Variants in OPRM1 observed in about 807,000 individuals in gnomAD.
OPRM1 encodes the protein mu-type opioid receptor.
OPRM1 carries 27 observed loss-of-function variants against 31.8 expected under a neutral mutation model. The ratio of observed to expected loss-of-function variants is 0.85; its 90% CI spans 0.63 to 1.17. The LOEUF (loss-of-function observed/expected upper bound fraction) is 1.17. OPRM1 is among the 50% of genes most tolerant of loss of function. OPRM1 has a pLI of 0.00. For missense variants in OPRM1, 536 were observed against 511.1 expected (o/e 1.05, Z -0.47); for synonymous variants, 196 against 189.9 (o/e 1.03, Z -0.26).
intron 3 of OPRM1, among the ~76,000 whole-genome samples, chr6:154,162,336 C>A (rs1328753670): frequency 1.3e-5 from 2 of 152,210 alleles, no homozygotes. Flanking sequence ...TAATGCTCTA[C>A]TTTTTCCTGT....
intron 3 of OPRM1, chr6:154,222,860 G>A (rs886697852): frequency 1.7e-5 from 6 of 356,580 alleles, no homozygotes; most frequent in African/African-American, 1.0e-4. Context: ...TAGTAGAACC[G>A]AAGCTTGACA....
chr6:154,066,112 T>TA (rs1447031803), intron 1 of OPRM1, among the ~76,000 whole-genome samples: 1 of 152,204 alleles, frequency 6.6e-6, no homozygotes, highest in African/African-American at 2.4e-5. Context: ...ATTCCAGAAA[T>TA]AAATCCCAGT....
chr6:154,082,436 C>T (rs1789383057), intron 1 of OPRM1, among the ~76,000 whole-genome samples: 1 of 152,048 alleles, frequency 6.6e-6, no homozygotes, highest in African/African-American at 2.4e-5. Flanking sequence ...AATAATTTTA[C>T]TAGTAGTCTA....
intron 1 of OPRM1, among the ~76,000 whole-genome samples, chr6:154,088,448 T>C (rs1370671987): frequency 2.6e-5 from 4 of 152,238 alleles, no homozygotes; most frequent in African/African-American, 9.6e-5. Flanking sequence ...TGCAAGATAG[T>C]AAATAACTTA....
rs73574602 is a variant in OPRM1, at chr6:154,124,530, C to T, written c.*5809C>T. On this transcript the variant is annotated 3_prime_UTR_variant, in exon 4 of 4. Coordinates refer to ENST00000330432, the MANE Select transcript of OPRM1 (RefSeq NM_000914.5). ...TTAATTCCTAGGAATCGCATACCTA[C>T]GGAAAACAGTCCTCTGACCTCCTGT... 1.3e-3 allele frequency among the ~76,000 whole-genome samples: 202 copies of T among 152,286 alleles called. 1 individual carries two copies. Among genetic ancestry groups the T allele is most frequent in the African/African-American group, 4.5e-3 (187 of 41,566 alleles).
intron 1 of OPRM1, among the ~76,000 whole-genome samples, chr6:154,057,229 C>T (rs937314812): frequency 1.3e-5 from 2 of 152,144 alleles, no homozygotes; most frequent in Non-Finnish European, 2.9e-5. Flanking sequence ...AAAGAATAAA[C>T]ATGAACTACG....
downstream of OPRM1, among the ~76,000 whole-genome samples, chr6:154,135,206 T>A (rs149479891): frequency 6.6e-6 from 1 of 152,222 alleles, no homozygotes; most frequent in East Asian, 1.9e-4. Flanking sequence ...CAGTGGCTCA[T>A]GCCTATAATC....
chr6:154,104,534 G>A (rs1246501442), intron 3 of OPRM1, among the ~76,000 whole-genome samples: 2 of 152,148 alleles, frequency 1.3e-5, no homozygotes, highest in Non-Finnish European at 2.9e-5. Context: ...GACATCACTG[G>A]TTGGTTTACA....
chr6:154,149,147 A>T (rs944681615), intron 3 of OPRM1, among the ~76,000 whole-genome samples: 2 of 152,200 alleles, frequency 1.3e-5, no homozygotes, highest in African/African-American at 4.8e-5. Context: ...TTTATAAAGA[A>T]AAGAGGATTG....
intron 1 of OPRM1, among the ~76,000 whole-genome samples, chr6:154,014,270 A>G (rs1256883940): frequency 6.6e-6 from 1 of 152,166 alleles, no homozygotes; most frequent in Non-Finnish European, 1.5e-5. Flanking sequence ...TGGGACACAC[A>G]TCTTGTAGGG....
downstream of OPRM1, among the ~76,000 whole-genome samples, chr6:154,135,512 G>GATATAGATATAA (rs1181974927): frequency 6.6e-6 from 1 of 151,974 alleles, no homozygotes; most frequent in African/African-American, 2.4e-5. Context: ...TATAGATATA[G>GATATAGATATAA]ATATAGATAT....
chr6:154,050,242 T>G (rs1457705956), intron 1 of OPRM1, among the ~76,000 whole-genome samples: 1 of 152,186 alleles, frequency 6.6e-6, no homozygotes, highest in East Asian at 1.9e-4. Context: ...AGGTTGTATG[T>G]ATATACTCAA....
downstream of OPRM1, among the ~76,000 whole-genome samples, chr6:154,136,832 CA>C (rs948738308): frequency 2.4e-4 from 37 of 152,110 alleles, no homozygotes; most frequent in African/African-American, 8.7e-4. Context: ...AAAAGGGAGG[CA>C]AGCCGAGCGA....
In OPRM1 at chr6:154,152,711, CATA is replaced by C. The variant is rs530693961; in HGVS notation, c.1164+61242_1164+61244del. On this transcript the variant is annotated intron_variant, in intron 3 of 3. Transcript: ENST00000337049. ...ATTGTCCCCATTGCACCTGTGCACA[CATA>C]ATTTTTATTTTTGTTTCTATTTATT... Among the ~76,000 whole-genome samples, 367 of 152,250 alleles carry C rather than the reference CATA, an allele frequency of 2.4e-3. 2 individuals are homozygous for C. The highest frequency in any genetic ancestry group is 3.5e-3 in the Non-Finnish European group (237 of 68,016).
intron 1 of OPRM1, among the ~76,000 whole-genome samples, chr6:154,052,917 A>G (rs1020847307): frequency 2.6e-5 from 4 of 152,214 alleles, no homozygotes; most frequent in Admixed American, 6.5e-5. Context: ...TGAAGTTACC[A>G]CAAACCAGAA....
At position 154,121,539 on chromosome 6, in the gene OPRM1, G is replaced by C. The variant is rs184505090; in HGVS notation, c.*2818G>C. Among the ~76,000 whole-genome samples, 84 of 152,328 alleles carry C rather than the reference G, an allele frequency of 5.5e-4. No individual in the cohort carries two copies. Among genetic ancestry groups the C allele is most frequent in the African/African-American group, 1.9e-3 (81 of 41,588 alleles). On this transcript the variant is annotated 3_prime_UTR_variant, in exon 4 of 4. Transcript: ENST00000330432. ...AAGACACGGCTATGAGTAGGTAAGA[G>C]AGCATTCATTCCCTTCAATAATATG...
intron 3 of OPRM1, 190 bp downstream of exon 3, chr6:154,091,662 T>C: frequency 7.2e-7 from 1 of 1,384,008 alleles, no homozygotes; most frequent in South Asian, 1.8e-5. Flanking sequence ...ACTGTACATA[T>C]TCATTTAGGT....
intron 1 of OPRM1, among the ~76,000 whole-genome samples, chr6:154,084,288 G>A (rs1789945838): frequency 6.6e-6 from 1 of 152,112 alleles, no homozygotes; most frequent in South Asian, 2.1e-4. Context: ...CCTTCACTAA[G>A]CTAGTGGAGA....
intron 3 of OPRM1, among the ~76,000 whole-genome samples, chr6:154,242,190 T>C (rs1270064453): frequency 1.3e-5 from 2 of 152,214 alleles, no homozygotes; most frequent in Non-Finnish European, 2.9e-5. Context: ...CTCCCACCTC[T>C]ACTTCTCAAA....
Sources: gnomAD v4.1 joint callset for allele counts (sites outside exome capture counted in the v4.1 genomes callset) on GRCh38, gnomAD v4.1.1 for gene constraint, MANE v1.5 for transcripts, NCBI Gene and HGNC (gene_info 2026-07-23, HGNC 2026-07-21) for gene names.